The following RALGPS1 variants were observed in gnomAD, a reference collection of about 807,000 sequenced individuals.
The protein encoded by RALGPS1 is ras-specific guanine nucleotide-releasing factor RalGPS1.
A neutral mutation model predicts 78.8 loss-of-function variants in RALGPS1; 19 were observed. That is an observed-to-expected ratio of 0.24 (90% CI 0.17 to 0.35). RALGPS1 has a LOEUF of 0.35. RALGPS1 is among the 10% of genes least tolerant of loss of function. RALGPS1 has a pLI of 1.00. For missense variants in RALGPS1, 454 were observed against 688.3 expected, an observed-to-expected ratio of 0.66 and a Z score of 3.81; for synonymous variants, 228 against 256.3, an observed-to-expected ratio of 0.89 and a Z score of 1.06.
intron 8 of RALGPS1, chr9:127,088,466 C>T (rs896366539): frequency 1.8e-5 from 3 of 166,824 alleles, no homozygotes; most frequent in African/African-American, 7.2e-5. Context: ...AAGAGCAAAG[C>T]TGCTGGTGAC....
intron 4 of RALGPS1, among the ~76,000 whole-genome samples, chr9:127,021,745 T>C (rs1362977918): frequency 2.0e-5 from 3 of 151,706 alleles, no homozygotes; most frequent in African/African-American, 7.3e-5. Flanking sequence ...GGAATGAGCA[T>C]GTGGCCCTGT....
chr9:127,095,660 T>C (rs778303448), intron 8 of RALGPS1, among the ~76,000 whole-genome samples: 7 of 152,220 alleles, frequency 4.6e-5, no homozygotes, highest in Non-Finnish European at 1.0e-4. Context: ...TTTCTCTTTC[T>C]GTGTGAGTTG....
chr9:127,029,218 T>G (rs2046214439), intron 4 of RALGPS1, among the ~76,000 whole-genome samples: 1 of 152,130 alleles, frequency 6.6e-6, no homozygotes. Context: ...CCTTAGCCCA[T>G]TCTTAACTCT....
intron 7 of RALGPS1, among the ~76,000 whole-genome samples, chr9:127,057,446 T>G (rs1358446059): frequency 6.6e-6 from 1 of 152,208 alleles, no homozygotes; most frequent in East Asian, 1.9e-4. Flanking sequence ...GGGCGTCCTG[T>G]TGGCCTCTCC....
chr9:126,947,058 T>C (rs1041395309), intron 1 of RALGPS1, among the ~76,000 whole-genome samples: 39 of 152,174 alleles, frequency 2.6e-4, no homozygotes, highest in Admixed American at 6.5e-5. Context: ...GAGAACCCTT[T>C]CCTGGTCTTC....
intron 3 of RALGPS1, among the ~76,000 whole-genome samples, chr9:126,971,687 A>G (rs766623478): frequency 2.0e-5 from 3 of 152,236 alleles, no homozygotes; most frequent in African/African-American, 4.8e-5. Flanking sequence ...AATCTTAGAT[A>G]ATGAACATAA....
intron 4 of RALGPS1, among the ~76,000 whole-genome samples, chr9:126,990,888 G>A (rs1201628168): frequency 1.3e-5 from 2 of 151,996 alleles, no homozygotes; most frequent in African/African-American, 2.4e-5. Context: ...GTTTTTTGTC[G>A]AATACATTTA....
chr9:127,014,912 A>G lies in RALGPS1; in HGVS notation c.217-19519A>G, dbSNP rs1189603075. Among the ~76,000 whole-genome samples the G allele has an allele frequency of 5.3e-5, 8 of 152,334 alleles. No individual in the cohort carries two copies. The East Asian group carries it at 1.3e-3, about 26-fold the overall frequency. Reference sequence around the variant, plus strand: ...CCATTTACTACCTGGATGCACTTGTATAGTTATTTAATCTCTGTGAGCCAC... The same window carrying G: ...CCATTTACTACCTGGATGCACTTGTGTAGTTATTTAATCTCTGTGAGCCAC... On this transcript the variant is annotated intron_variant, in intron 4 of 18. Transcript: ENST00000259351.
chr9:127,188,838 A>T (rs1448978137), intron 11 of RALGPS1, among the ~76,000 whole-genome samples: 1 of 146,786 alleles, frequency 6.8e-6, no homozygotes, highest in African/African-American at 2.5e-5. Flanking sequence ...CTACTAAAAA[A>T]AAAAAAAAAA....
intron 4 of RALGPS1, among the ~76,000 whole-genome samples, chr9:127,019,670 ATAAATGTACCACAACTTGTC>A (rs2134128641): frequency 6.6e-6 from 1 of 152,256 alleles, no homozygotes; most frequent in African/African-American, 2.4e-5. Flanking sequence ...ATTCCATTGT[ATAAATGTACCACAACTTGTC>A]TGTCCATTCT....
At chr9:127,199,271 C>A (rs1040236646) in intron 14 of RALGPS1, among the ~76,000 whole-genome samples, 6 of 152,158 alleles carry the variant, frequency 3.9e-5, no homozygotes, top group Non-Finnish European at 7.4e-5. Flanking sequence ...AGCCCCCATG[C>A]TCTGAGCAGC....
At chr9:126,937,649 G>A (rs2036388861) in intron 1 of RALGPS1, among the ~76,000 whole-genome samples, 1 of 152,188 alleles carries the variant, frequency 6.6e-6, no homozygotes, top group Non-Finnish European at 1.5e-5. Flanking sequence ...GGTTGCTTGA[G>A]CTCCAGTCAT....
chr9:127,173,524 C>T (rs2059673578), intron 10 of RALGPS1, among the ~76,000 whole-genome samples: 1 of 152,160 alleles, frequency 6.6e-6, no homozygotes, highest in Non-Finnish European at 1.5e-5. Flanking sequence ...TACTTGTAAG[C>T]TTTTATAATT....
chr9:127,052,367 C>A (rs2048366121), intron 6 of RALGPS1, among the ~76,000 whole-genome samples: 2 of 152,212 alleles, frequency 1.3e-5, no homozygotes, highest in African/African-American at 4.8e-5. Context: ...AATTTGGGGT[C>A]TGGTTCAAAG....
At chr9:127,148,694 T>C (rs1457222134) in intron 8 of RALGPS1, among the ~76,000 whole-genome samples, 1 of 151,696 alleles carries the variant, frequency 6.6e-6, no homozygotes, top group Non-Finnish European at 1.5e-5. Context: ...CCCCAGAGAG[T>C]AGGGAGGGCT....
At chr9:127,003,155 C>T (rs1033088812) in intron 4 of RALGPS1, among the ~76,000 whole-genome samples, 7 of 152,092 alleles carry the variant, frequency 4.6e-5, no homozygotes, top group East Asian at 1.9e-4. Context: ...AAGGACTTCA[C>T]GTCCAAAACA....
At chr9:127,169,485 C>T (rs1269356353) in intron 10 of RALGPS1, among the ~76,000 whole-genome samples, 1 of 152,046 alleles carries the variant, frequency 6.6e-6, no homozygotes, top group Non-Finnish European at 1.5e-5. Context: ...ACTCTGTCTG[C>T]CATACTGCTT....
In RALGPS1 at chr9:127,130,284, T is replaced by C. The variant is rs535145725; in HGVS notation, c.611-35785T>C. ...GGAGTAAAAAGTGAGACATTGTGAGTACAGATGTCCTAGTGCAATATTGGA... is the reference window on the plus strand; with the variant it reads ...GGAGTAAAAAGTGAGACATTGTGAGCACAGATGTCCTAGTGCAATATTGGA... On this transcript the variant is annotated intron_variant, in intron 8 of 18. Coordinates refer to ENST00000259351, the MANE Select transcript of RALGPS1 (RefSeq NM_014636.3). 1.8e-4 allele frequency among the ~76,000 whole-genome samples: 28 copies of C among 152,336 alleles called. 1 individual carries two copies. The South Asian group carries it at 5.0e-3, about 27-fold the overall frequency.
intron 11 of RALGPS1, among the ~76,000 whole-genome samples, chr9:127,192,522 C>T (rs1410568557): frequency 1.3e-5 from 2 of 152,028 alleles, no homozygotes; most frequent in African/African-American, 2.4e-5. Flanking sequence ...TGGTGGCACC[C>T]TCCTGTGATC....
Sources: gnomAD v4.1 joint callset for allele counts (sites outside exome capture counted in the v4.1 genomes callset) on GRCh38, gnomAD v4.1.1 for gene constraint, MANE v1.5 for transcripts, NCBI Gene and HGNC (gene_info 2026-07-23, HGNC 2026-07-21) for gene names.